Variants in DPY19L1 observed in about 807,000 individuals in gnomAD.
DPY19L1 encodes the protein protein C-mannosyl-transferase DPY19L1.
A neutral mutation model predicts 96.9 loss-of-function variants in DPY19L1; 35 were observed. That is an observed-to-expected ratio of 0.36 (90% confidence interval 0.28 to 0.48). DPY19L1 has a LOEUF of 0.48. Among genes scored for constraint, DPY19L1 ranks in the 20% least tolerant of loss-of-function variants. The probability of loss-of-function intolerance (pLI) is 0.99; values close to 1 mark genes in which losing one functional copy is unlikely to be tolerated. For missense variants in DPY19L1, 521 were observed against 777.9 expected (o/e 0.67, Z 3.93); for synonymous variants, 205 against 252.6 (o/e 0.81, Z 1.79).
intron 1 of DPY19L1, among the ~76,000 whole-genome samples, chr7:35,024,303 G>T (rs1013357875): frequency 1.3e-5 from 2 of 152,116 alleles, no homozygotes; most frequent in East Asian, 3.9e-4. Flanking sequence ...AAGAAGTTAA[G>T]GACACTCCTT....
At chr7:35,033,549 G>A (rs1262153832) in intron 1 of DPY19L1, among the ~76,000 whole-genome samples, 1 of 152,108 alleles carries the variant, frequency 6.6e-6, no homozygotes, top group East Asian at 1.9e-4. Context: ...ATCAGACAAA[G>A]CATTTATTAT....
intron 4 of DPY19L1, among the ~76,000 whole-genome samples, chr7:35,012,933 C>T (rs566524780): frequency 1.1e-4 from 16 of 146,844 alleles, no homozygotes; most frequent in African/African-American, 3.9e-4. Flanking sequence ...GTTATATATA[C>T]ATATATAGAG....
chr7:35,004,586 C>T (rs1188603830), intron 6 of DPY19L1, among the ~76,000 whole-genome samples: 1 of 152,152 alleles, frequency 6.6e-6, no homozygotes, highest in Non-Finnish European at 1.5e-5. Flanking sequence ...ATTCATTTTA[C>T]TAATCTTTAA....
At chr7:34,977,961 C>T (rs774229574) in intron 7 of DPY19L1, among the ~76,000 whole-genome samples, 35 of 152,024 alleles carry the variant, frequency 2.3e-4, no homozygotes, top group South Asian at 2.1e-4. Flanking sequence ...ACTGATTATA[C>T]TGCAACATAA....
intron 13 of DPY19L1, among the ~76,000 whole-genome samples, chr7:34,950,208 G>C (rs766963487): frequency 6.6e-6 from 1 of 152,126 alleles, no homozygotes; most frequent in African/African-American, 2.4e-5. Flanking sequence ...TCCCTTGCTG[G>C]AGCCTACCAG....
intron 7 of DPY19L1, among the ~76,000 whole-genome samples, chr7:34,983,146 T>C (rs1784976117): frequency 6.6e-6 from 1 of 152,192 alleles, no homozygotes; most frequent in South Asian, 2.1e-4. Context: ...TCCTAGGTGC[T>C]TGACATAAAA....
At chr7:34,940,492 G>A (rs1256947348) in intron 18 of DPY19L1, among the ~76,000 whole-genome samples, 165 bp from the exon 19 acceptor site, 2 of 152,050 alleles carry the variant, frequency 1.3e-5, no homozygotes, top group Non-Finnish European at 2.9e-5. Flanking sequence ...GGGATCAAAA[G>A]GATTCTACCA....
chr7:35,025,376 A>G (rs567727841), intron 1 of DPY19L1, among the ~76,000 whole-genome samples: 1 of 152,130 alleles, frequency 6.6e-6, no homozygotes, highest in Non-Finnish European at 1.5e-5. Flanking sequence ...ATTTAGGTAC[A>G]TAAAATAATA....
chr7:34,931,472 G>A lies in DPY19L1; in HGVS notation c.*101C>T. ...ATAAAACGTTTTCTATTTGAAAACA[G>A]TTACCTATAAAAGTTTTTGGGATAT... On this transcript the variant is annotated 3_prime_UTR_variant, in exon 22 of 22. Transcript: ENST00000638088. 1 of 1,332,194 alleles carries A rather than the reference G, an allele frequency of 7.5e-7. No individual in the cohort carries two copies. The highest frequency in any genetic ancestry group is 2.5e-5 in the South Asian group (1 of 40,734). The allele number at this position is 1,332,194 out of a possible 1,614,324, so 82.5% of individuals were successfully genotyped here. A position where few individuals can be genotyped will look rare whatever the true frequency, so the allele number is the denominator to read the frequency against.
rs1462907395 is a variant in DPY19L1 at position 34,940,134 on chromosome 7, TTC to T, written c.1864+17_1864+18del. ...ACAGCTAAATAATATGACTTTTTTTTTCTTTTTTTTTTTTTTACCTGGTTTAG... is the reference window on the plus strand; with the variant it reads ...ACAGCTAAATAATATGACTTTTTTTTTTTTTTTTTTTTTTACCTGGTTTAG... On this transcript the variant is annotated intron_variant, in intron 19 of 21. Transcript: ENST00000638088. 8.9e-6 allele frequency: 13 copies of T among 1,455,378 alleles called. No homozygotes were observed. The East Asian group carries it at 1.5e-4, about 17-fold the overall frequency. 90.2% of individuals were successfully genotyped at this position (1,455,378 alleles called of 1,614,324 possible).
intron 9 of DPY19L1, among the ~76,000 whole-genome samples, 191 bp from the exon 10 acceptor site, chr7:34,967,162 T>C (rs1453795611): frequency 6.6e-6 from 1 of 152,190 alleles, no homozygotes; most frequent in Admixed American, 6.5e-5. Flanking sequence ...TTGATTTTTC[T>C]CTCTGACACA....
intron 1 of DPY19L1, among the ~76,000 whole-genome samples, chr7:35,019,064 G>A (rs192203031): frequency 6.6e-6 from 1 of 152,176 alleles, no homozygotes; most frequent in East Asian, 1.9e-4. Context: ...AATGAAATGA[G>A]TAAAGGAGAA....
intron 21 of DPY19L1, among the ~76,000 whole-genome samples, chr7:34,936,754 C>A (rs1489731279): frequency 6.6e-6 from 1 of 152,174 alleles, no homozygotes; most frequent in African/African-American, 2.4e-5. Flanking sequence ...AGCACACGTT[C>A]ATAGGAGAAT....
At chr7:34,935,163 G>A (rs1356615200) in intron 21 of DPY19L1, among the ~76,000 whole-genome samples, 2 of 152,106 alleles carry the variant, frequency 1.3e-5, no homozygotes, top group Non-Finnish European at 2.9e-5. Context: ...GAGGGCCCAC[G>A]GTGGCAGAGA....
At chr7:34,984,438 G>C (rs1315477636) in intron 7 of DPY19L1, among the ~76,000 whole-genome samples, 1 of 152,192 alleles carries the variant, frequency 6.6e-6, no homozygotes, top group Admixed American at 6.6e-5. Flanking sequence ...CAATAGGGCT[G>C]AAGCAAAGCA....
chr7:35,005,445 A>G (rs1249138946), intron 6 of DPY19L1, among the ~76,000 whole-genome samples: 2 of 151,140 alleles, frequency 1.3e-5, no homozygotes, highest in East Asian at 3.9e-4. Context: ...TGCTGGGGAG[A>G]GGAGGAAGGG....
At chr7:35,010,168 T>C (rs1785670768) in intron 6 of DPY19L1, among the ~76,000 whole-genome samples, 1 of 151,992 alleles carries the variant, frequency 6.6e-6, no homozygotes, top group African/African-American at 2.4e-5. Context: ...AGGCGGAGGT[T>C]GCAGTGAGCA....
At chr7:34,959,192 G>T (rs139408394) in intron 10 of DPY19L1, among the ~76,000 whole-genome samples, 1 of 152,134 alleles carries the variant, frequency 6.6e-6, no homozygotes, top group Non-Finnish European at 1.5e-5. Flanking sequence ...TTAGAATGGC[G>T]ATCATTAAAA....
intron 6 of DPY19L1, 36 bp downstream of exon 6, chr7:35,010,432 A>G: frequency 8.5e-7 from 1 of 1,182,912 alleles, no homozygotes; most frequent in Non-Finnish European, 1.2e-6. Context: ...ATTTTATTTT[A>G]GTATATCTTA....
Sources: allele counts gnomAD v4.1 joint callset (sites outside exome capture counted in the v4.1 genomes callset), GRCh38; gene constraint gnomAD v4.1.1; transcripts MANE v1.5; gene names NCBI Gene and HGNC (gene_info 2026-07-23, HGNC 2026-07-21).